CARS1: variants seen among roughly 807,000 people sequenced by gnomAD.
CARS1 encodes the protein cysteinyl-tRNA synthetase 1, also known as cysteine--tRNA ligase, cytoplasmic.
A neutral mutation model predicts 106.2 loss-of-function variants in CARS1; 48 were observed. The observed-to-expected ratio is 0.45, with a 90% CI of 0.36 to 0.57. CARS1 has a LOEUF of 0.57. Among genes scored for constraint, CARS1 ranks in the 20% least tolerant of loss-of-function variants. The pLI, the probability that CARS1 is intolerant of heterozygous loss-of-function variation, is 0.00. For missense variants in CARS1, 968 were observed against 1,057.2 expected, an observed-to-expected ratio of 0.92 and a Z score of 1.17; for synonymous variants, 409 against 403.4, an observed-to-expected ratio of 1.01 and a Z score of -0.17.
intron 16 of CARS1, 21 bp from the exon 17 acceptor site, chr11:3,015,870 G>T (rs767637585): frequency 1.9e-6 from 3 of 1,606,884 alleles, no homozygotes; most frequent in Non-Finnish European, 2.6e-6. Flanking sequence ...AAACAGATGG[G>T]ACCTGAAGCT....
In CARS1 at chr11:3,017,957, G is replaced by A. The variant is rs1438482839; in HGVS notation, c.1630-3C>T. On this transcript the variant is annotated splice_region_variant and splice_polypyrimidine_tract_variant and intron_variant, in intron 14 of 22. Coordinates refer to ENST00000380525, the MANE Select transcript of CARS1 (RefSeq NM_001014437.3). This position sits in a 1 kb window ranked among gnomAD's most constrained non-coding sequence, Gnocchi z 4.9. ...TCTTTCACATTTAAGAAAAACTCCTGAAGTTAGAAAAATCAGTTTAACAGC... is the reference window on the plus strand; with the variant it reads ...TCTTTCACATTTAAGAAAAACTCCTAAAGTTAGAAAAATCAGTTTAACAGC... 10 of 1,606,824 alleles carry A rather than the reference G, an allele frequency of 6.2e-6. No individual in the cohort carries two copies. The highest frequency in any genetic ancestry group is 2.2e-5 in the East Asian group (1 of 44,862).
At position 3,044,425 on chromosome 11, in the gene CARS1, T is replaced by C. The variant is rs2134276673; in HGVS notation, c.275-2169A>G. Among the ~76,000 whole-genome samples the C allele has an allele frequency of 6.6e-6, 1 of 152,262 alleles. No individual in the cohort carries two copies. The highest frequency in any genetic ancestry group is 1.5e-5 in the Non-Finnish European group (1 of 68,000). ...TAAGGACCCTTGCCCCCCTTTTTTTTTTTTAGATAAAATCTGGCTGAAGTG... is the reference window on the plus strand; with the variant it reads ...TAAGGACCCTTGCCCCCCTTTTTTTCTTTTAGATAAAATCTGGCTGAAGTG... On this transcript the variant is annotated intron_variant, in intron 2 of 22. Coordinates refer to ENST00000380525, the MANE Select transcript of CARS1 (RefSeq NM_001014437.3). The surrounding 1 kb of genome is among the most constrained non-coding windows in gnomAD (Gnocchi z 4.4).
rs1849551737 is a variant in CARS1 at position 3,003,170 on chromosome 11, G to T, written c.2218-570C>A. 6.6e-6 allele frequency among the ~76,000 whole-genome samples: 1 copy of T among 151,348 alleles called. No individual in the cohort carries two copies. The highest frequency in any genetic ancestry group is 2.4e-5 in the African/African-American group (1 of 41,370). ...GAGAGCTTATTAGTGGAGCCAGCAG[G>T]CTGGGTGCCGGTGAGGGAAGCCCTC... On this transcript the variant is annotated intron_variant, in intron 20 of 22. Transcript: ENST00000380525. The surrounding 1 kb of genome is among the most constrained non-coding windows in gnomAD (Gnocchi z 4.8).
At position 3,041,622 on chromosome 11, in the gene CARS1, G is replaced by C. The variant is rs1854465072; in HGVS notation, c.366+543C>G. Among the ~76,000 whole-genome samples, 1 of 152,010 alleles carries C rather than the reference G, an allele frequency of 6.6e-6. No individual in the cohort carries two copies. Among genetic ancestry groups the C allele is most frequent in the African/African-American group, 2.4e-5 (1 of 41,394 alleles). The stretch of plus-strand genomic sequence containing the variant: ...TGTCTGCCAAACATGCTCCCTGATG[G>C]AAATCCAAGCAGCCCCGCCCAGAGC... On this transcript the variant is annotated intron_variant, in intron 3 of 22. Transcript: ENST00000380525. This position sits in a 1 kb window ranked among gnomAD's most constrained non-coding sequence, Gnocchi z 4.9.
rs2134100529 is a variant in CARS1 at position 3,008,601 on chromosome 11, G to A, written c.2069-1642C>T. 6.6e-6 allele frequency: 1 copy of A among 150,950 alleles called. No individual in the cohort carries two copies. Among genetic ancestry groups the A allele is most frequent in the South Asian group, 2.1e-4 (1 of 4,754 alleles). 9.4% of individuals were successfully genotyped at this position (150,950 alleles called of 1,614,324 possible). A position where few individuals can be genotyped will look rare whatever the true frequency, so the allele number is the denominator to read the frequency against. ...ACCACTGCACTCCAGCCTAGCGACA[G>A]GGCAAGACTCCATCTCAAAAAAAAA... On this transcript the variant is annotated intron_variant, in intron 18 of 22. Transcript: ENST00000380525. This position sits in a 1 kb window ranked among gnomAD's most constrained non-coding sequence, Gnocchi z 5.1.
In CARS1 at chr11:3,028,341, G is replaced by A. The variant is rs945938081; in HGVS notation, c.1031+655C>T. Reference sequence around the variant, plus strand: ...GCGTCTTGGTGGTAGTGGTCCCCCGGGCCCAGCTGTCTTCTCTTTTATCTC... The same window carrying A: ...GCGTCTTGGTGGTAGTGGTCCCCCGAGCCCAGCTGTCTTCTCTTTTATCTC... On this transcript the variant is annotated intron_variant, in intron 9 of 22. Transcript: ENST00000380525. This position sits in a 1 kb window ranked among gnomAD's most constrained non-coding sequence, Gnocchi z 4.4. The A allele has an allele frequency of 4.2e-6, 2 of 481,540 alleles. No individual in the cohort carries two copies. The highest frequency in any genetic ancestry group is 2.2e-5 in the South Asian group (1 of 45,604). 29.8% of individuals were successfully genotyped at this position (481,540 alleles called of 1,614,324 possible).
At chr11:3,015,680 T>C in intron 17 of CARS1, 101 bp downstream of exon 17, 1 of 1,008,560 alleles carries the variant, frequency 9.9e-7, no homozygotes, top group Non-Finnish European at 1.6e-6. Context: ...AAGGGTCTGG[T>C]GTGGGTGGGC....
At position 3,052,830 on chromosome 11, in the gene CARS1, A is replaced by G. The variant is rs995785217; in HGVS notation, c.25+4513T>C. Among the ~76,000 whole-genome samples, 3 of 152,228 alleles carry G rather than the reference A, an allele frequency of 2.0e-5. No individual in the cohort carries two copies. Among genetic ancestry groups the G allele is most frequent in the African/African-American group, 7.2e-5 (3 of 41,446 alleles). On this transcript the variant is annotated intron_variant, in intron 1 of 22. Transcript: ENST00000380525. This position sits in a 1 kb window ranked among gnomAD's most constrained non-coding sequence, Gnocchi z 4.6. ...CAGTCTGATGCTGAGATCAGATGAGAACACTTCTGAGCAGACTGAAAACCT... is the reference window on the plus strand; with the variant it reads ...CAGTCTGATGCTGAGATCAGATGAGGACACTTCTGAGCAGACTGAAAACCT...
intron 7 of CARS1, among the ~76,000 whole-genome samples, chr11:3,035,495 T>TC (rs1421451169): frequency 6.6e-6 from 1 of 152,160 alleles, no homozygotes; most frequent in African/African-American, 2.4e-5. Context: ...TTTCTTTCTT[T>TC]TTTTTTAAGA....
In CARS1 at chr11:3,038,273, G is replaced by A; in HGVS notation, c.652-74C>T. 1 of 1,402,362 alleles carries A rather than the reference G, an allele frequency of 7.1e-7. No homozygotes were observed. The highest frequency in any genetic ancestry group is 1.0e-6 in the Non-Finnish European group (1 of 1,001,430). 86.9% of individuals were successfully genotyped at this position (1,402,362 alleles called of 1,614,324 possible). ...CCTAAATTCATAAAGGTGATTCCAG[G>A]TAGAAAACAGAACGGTTTTTCCCAT... On this transcript the variant is annotated intron_variant, in intron 6 of 22. Transcript: ENST00000380525. This position sits in a 1 kb window ranked among gnomAD's most constrained non-coding sequence, Gnocchi z 4.0.
rs944630289 is a variant in CARS1 at position 3,043,716 on chromosome 11, C to T, written c.275-1460G>A. ...GAAGTTGGTCCTGGGCACCAGCCAT[C>T]TCTTGGCCTCCCGGCTCTAGCTCAG... On this transcript the variant is annotated intron_variant, in intron 2 of 22. Coordinates refer to ENST00000380525, the MANE Select transcript of CARS1 (RefSeq NM_001014437.3). The surrounding 1 kb of genome is among the most constrained non-coding windows in gnomAD (Gnocchi z 4.0). Among the ~76,000 whole-genome samples, 7 of 152,146 alleles carry T rather than the reference C, an allele frequency of 4.6e-5. No individual in the cohort carries two copies. Among genetic ancestry groups the T allele is most frequent in the African/African-American group, 1.2e-4 (5 of 41,436 alleles).
chr11:3,049,455 G>A (rs975914197), intron 1 of CARS1, among the ~76,000 whole-genome samples: 4 of 152,248 alleles, frequency 2.6e-5, no homozygotes, highest in African/African-American at 9.6e-5. Flanking sequence ...CACAGCCCAC[G>A]TCCCTAAAGT....
At position 3,015,867 on chromosome 11, in the gene CARS1, T is replaced by C. The variant is rs761855514; in HGVS notation, c.1918-18A>G. The C allele has an allele frequency of 6.2e-7, 1 of 1,610,148 alleles. No homozygotes were observed. The highest frequency in any genetic ancestry group is 1.1e-5 in the South Asian group (1 of 90,992). On this transcript the variant is annotated intron_variant, in intron 16 of 22. Transcript: ENST00000380525. The stretch of plus-strand genomic sequence containing the variant: ...CCAAAGATCTAGGAAAAGAAACAGA[T>C]GGGACCTGAAGCTGCGGCAAGATGA...
chr11:3,045,014 C>T lies in CARS1; in HGVS notation c.274+2739G>A, dbSNP rs1854935538. 6.6e-6 allele frequency among the ~76,000 whole-genome samples: 1 copy of T among 152,142 alleles called. No homozygotes were observed. Among genetic ancestry groups the T allele is most frequent in the Admixed American group, 6.5e-5 (1 of 15,290 alleles). On this transcript the variant is annotated intron_variant, in intron 2 of 22. Transcript: ENST00000380525. The surrounding 1 kb of genome is among the most constrained non-coding windows in gnomAD (Gnocchi z 5.6). ...CTTCATGTTCCTGAAACTATGGCCTCGGCGTCTGACAGACCCACACCCTCC... is the reference window on the plus strand; with the variant it reads ...CTTCATGTTCCTGAAACTATGGCCTTGGCGTCTGACAGACCCACACCCTCC...
chr11:3,002,096 C>T, intron 21 of CARS1, 43 bp from the exon 22 acceptor site: 1 of 1,331,372 alleles, frequency 7.5e-7, no homozygotes, highest in African/African-American at 1.4e-5. Flanking sequence ...CCGAGCAGCA[C>T]CTGGGGCTCC....
rs184579835 is a variant in CARS1 at position 3,007,156 on chromosome 11, T to C, written c.2069-197A>G. 923 of 593,366 alleles carry C rather than the reference T, an allele frequency of 1.6e-3. 4 individuals carry two copies. Among genetic ancestry groups the C allele is most frequent in the African/African-American group, 0.016 (837 of 53,938 alleles). 36.8% of individuals were successfully genotyped at this position (593,366 alleles called of 1,614,324 possible). ...TGGGAGGGAGGGCCCAGCAGCTTGA[T>C]TGGCTGCAGAAGCCCAGAGACTAGT... On this transcript the variant is annotated intron_variant, in intron 18 of 22. Coordinates refer to ENST00000380525, the MANE Select transcript of CARS1 (RefSeq NM_001014437.3).
At chr11:3,032,282 G>A (rs757879977) in intron 7 of CARS1, among the ~76,000 whole-genome samples, 9 of 151,900 alleles carry the variant, frequency 5.9e-5, no homozygotes, top group Non-Finnish European at 8.8e-5. Flanking sequence ...CATGTTGGCC[G>A]GGATGGTCTC....
Position 3,012,196 on chromosome 11 carries a change from T to A in CARS1, c.2067A>T (p.Lys689Asn). 1 of 1,613,716 alleles carries A rather than the reference T, an allele frequency of 6.2e-7. No homozygotes were observed. Among genetic ancestry groups the A allele is most frequent in the East Asian group, 2.2e-5 (1 of 44,880 alleles). The change falls in exon 18 of 23, where the codon AAA (lysine) becomes AAT (asparagine). Residue 689 changes from lysine (K) to asparagine (N), a missense_variant and splice_region_variant. Coordinates refer to ENST00000380525, the MANE Select transcript of CARS1 (RefSeq NM_001014437.3). ...EGVRKIAREQ[K>N]VPEILQLSDA... ...CTCTTTCCAGCAACTGGTCCTCACCTTTTTGCTCTCGGGCAATCTTCCGCA... is the reference window on the plus strand; with the variant it reads ...CTCTTTCCAGCAACTGGTCCTCACCATTTTGCTCTCGGGCAATCTTCCGCA...
In CARS1 at chr11:3,017,785, G is replaced by A; in HGVS notation, c.1727+72C>T. On this transcript the variant is annotated intron_variant, in intron 15 of 22. Transcript: ENST00000380525. This position sits in a 1 kb window ranked among gnomAD's most constrained non-coding sequence, Gnocchi z 4.9. Reference sequence around the variant, plus strand: ...CTTCCTCGACAGTCCAGGACACATGGTGGCCAAGATGCGAGGCTAGGCATA... The same window carrying A: ...CTTCCTCGACAGTCCAGGACACATGATGGCCAAGATGCGAGGCTAGGCATA... 1 of 993,652 alleles carries A rather than the reference G, an allele frequency of 1.0e-6. No homozygotes were observed. The highest frequency in any genetic ancestry group is 1.6e-6 in the Non-Finnish European group (1 of 620,560). 61.6% of individuals were successfully genotyped at this position (993,652 alleles called of 1,614,324 possible).
Sources: allele counts gnomAD v4.1 joint callset (sites outside exome capture counted in the v4.1 genomes callset), GRCh38; gene constraint gnomAD v4.1.1; non-coding constraint Gnocchi (gnomAD v3.1); transcripts MANE v1.5; gene names NCBI Gene and HGNC (gene_info 2026-07-23, HGNC 2026-07-21).